The following BRDT variants were observed in gnomAD, a reference collection of about 807,000 sequenced individuals.
The protein encoded by BRDT is bromodomain testis associated.
A neutral mutation model predicts 113.9 loss-of-function variants in BRDT; 77 were observed. The observed-to-expected ratio is 0.68, with a 90% CI of 0.56 to 0.82. The LOEUF (loss-of-function observed/expected upper bound fraction) is 0.82. Among genes scored for constraint, BRDT ranks in the 40% least tolerant of loss-of-function variants. The pLI, the probability that BRDT is intolerant of heterozygous loss-of-function variation, is 0.00. For synonymous variants in BRDT, 358 were observed against 366.5 expected (o/e 0.98, Z 0.26); for missense variants, 1,027 against 1,105.4 (o/e 0.93, Z 1.01).
chr1:92,012,407 T>A (rs2183036), intron 18 of BRDT, among the ~76,000 whole-genome samples: 75,091 of 151,962 alleles, frequency 0.49, 18,953 homozygotes, highest in South Asian at 0.56. Flanking sequence ...TGTAAGAGAA[T>A]CTAAAATAAG....
At position 91,955,369 on chromosome 1, in the gene BRDT, G is replaced by A. The variant is rs60765274; in HGVS notation, c.-38+5687G>A. The stretch of plus-strand genomic sequence containing the variant: ...CTAGGGAGGCTGAGGCAGAAGAATC[G>A]CTTGAACCCGGGAGGCAGAGGTTGC... On this transcript the variant is annotated intron_variant, in intron 1 of 18. Coordinates refer to ENST00000399546, the MANE Select transcript of BRDT (RefSeq NM_207189.4). Among the ~76,000 whole-genome samples the A allele has an allele frequency of 1.9e-4, 29 of 151,902 alleles. 1 individual carries two copies. The highest frequency in any genetic ancestry group is 4.4e-5 in the Non-Finnish European group (3 of 67,984).
intron 2 of BRDT, among the ~76,000 whole-genome samples, chr1:91,964,252 G>T (rs1431360255): frequency 1.3e-5 from 2 of 152,174 alleles, no homozygotes; most frequent in African/African-American, 4.8e-5. Context: ...GTGGAGATGG[G>T]GCTTCCCCGT....
intron 18 of BRDT, among the ~76,000 whole-genome samples, chr1:92,006,175 G>A (rs1687276753): frequency 6.6e-6 from 1 of 151,988 alleles, no homozygotes; most frequent in African/African-American, 2.4e-5. Context: ...AATATTCTGT[G>A]TGCACATGAA....
rs1458529085 is a variant in BRDT, at chr1:91,980,748, A to G, written c.1393A>G (p.Asn465Asp). The G allele has an allele frequency of 1.9e-6, 3 of 1,607,260 alleles. No homozygotes were observed. In the South Asian group the frequency reaches 3.4e-5, roughly 18 times the overall value. ...AAAGGAAAAGAAAAAAGAAAAGGTT[A>G]ATAACAGCAATGAAAATCCAAGAAA... ...SKKEKKKEKV[N>D]NSNENPRKMC... is the part of the protein sequence containing the mutation. The change falls in exon 9 of 19, where the codon AAT (asparagine) becomes GAT (aspartate). Residue 465 changes from asparagine (N) to aspartate (D), a missense_variant. Coordinates refer to ENST00000399546, the MANE Select transcript of BRDT (RefSeq NM_207189.4).
intron 14 of BRDT, 98 bp downstream of exon 14, chr1:91,992,412 CAAAA>C (rs55996004): frequency 0.013 from 2,252 of 179,056 alleles, no homozygotes; most frequent in Middle Eastern, 0.02. Context: ...TGAAGAGAGG[CAAAA>C]AAAAAAAAAA....
chr1:91,974,067 A>G (rs538511022), intron 4 of BRDT, among the ~76,000 whole-genome samples: 2 of 152,338 alleles, frequency 1.3e-5, no homozygotes, highest in East Asian at 3.9e-4. Context: ...TGGTGCTGGG[A>G]AAACTGGCTA....
intron 16 of BRDT, 126 bp from the exon 17 acceptor site, chr1:92,004,288 G>T: frequency 1.7e-6 from 1 of 591,764 alleles, no homozygotes; most frequent in East Asian, 2.9e-5. Flanking sequence ...TTTTACTTTA[G>T]TAAAAGTACA....
At chr1:91,998,702 A>C (rs974843752) in intron 15 of BRDT, among the ~76,000 whole-genome samples, 10 of 152,234 alleles carry the variant, frequency 6.6e-5, no homozygotes, top group Non-Finnish European at 8.8e-5. Context: ...AGAAGGCAGA[A>C]TCACCTGATG....
intron 4 of BRDT, among the ~76,000 whole-genome samples, chr1:91,973,934 A>G (rs1354711908): frequency 6.6e-6 from 1 of 152,216 alleles, no homozygotes; most frequent in African/African-American, 2.4e-5. Context: ...GTACCAAAAC[A>G]GAGATACAGA....
intron 14 of BRDT, 101 bp from the exon 15 acceptor site, chr1:91,993,982 G>A: frequency 1.1e-6 from 1 of 946,632 alleles, no homozygotes; most frequent in Admixed American, 3.0e-5. Context: ...ATTTTAAAAA[G>A]GTAGCATTAA....
chr1:91,983,287 CGG>C (rs1684884679), intron 12 of BRDT, among the ~76,000 whole-genome samples: 3 of 121,144 alleles, frequency 2.5e-5, no homozygotes, highest in Admixed American at 1.9e-4. Context: ...TTTTTTGAGA[CGG>C]AGTCTCCCTC....
chr1:92,014,308 T>C lies in BRDT; in HGVS notation c.*34T>C. On this transcript the variant is annotated 3_prime_UTR_variant, in exon 19 of 19. Transcript: ENST00000399546. ...TTTTAAATTAACCATCAACTTAAAATGAATGGTAAAAGATCAAAATGCATA... is the reference window on the plus strand; with the variant it reads ...TTTTAAATTAACCATCAACTTAAAACGAATGGTAAAAGATCAAAATGCATA... 1 of 1,423,260 alleles carries C rather than the reference T, an allele frequency of 7.0e-7. No homozygotes were observed. 88.2% of individuals were successfully genotyped at this position (1,423,260 alleles called of 1,614,324 possible).
chr1:91,981,485 T>C (rs746038397), intron 11 of BRDT, 104 bp downstream of exon 11: 2 of 1,514,668 alleles, frequency 1.3e-6, no homozygotes, highest in African/African-American at 1.4e-5. Context: ...CCTCATGTGA[T>C]CCTCCACCTT....
chr1:91,959,788 C>CT (rs1184550404), intron 1 of BRDT, among the ~76,000 whole-genome samples: 2 of 152,068 alleles, frequency 1.3e-5, no homozygotes, highest in African/African-American at 4.8e-5. Flanking sequence ...CAGCCTATGA[C>CT]TTTTATTAAG....
At chr1:91,961,511 C>T (rs1437861988) in intron 1 of BRDT, among the ~76,000 whole-genome samples, 1 of 151,872 alleles carries the variant, frequency 6.6e-6, no homozygotes, top group Admixed American at 6.6e-5. Context: ...CATCTGTAGT[C>T]GCAGCTACTT....
intron 10 of BRDT, 33 bp downstream of exon 10, chr1:91,981,211 T>G: frequency 6.2e-7 from 1 of 1,607,750 alleles, no homozygotes. Flanking sequence ...AGAAATCGGT[T>G]TGGTATTTAT....
rs1243701397 is a variant in BRDT at position 91,962,802 on chromosome 1, A to G, written c.48A>G (p.Pro16=). The G allele has an allele frequency of 1.4e-5, 22 of 1,608,506 alleles. No homozygotes were observed. Among genetic ancestry groups the G allele is most frequent in the Middle Eastern group, 1.7e-4 (1 of 6,052 alleles). The change falls in exon 2 of 19, where the codon CCA becomes CCG. Residue 16 remains proline, a synonymous_variant. Coordinates refer to ENST00000399546, the MANE Select transcript of BRDT (RefSeq NM_207189.4). Reference sequence around the variant, plus strand: ...CAGCTATTATTGTTAACCCTCCTCCACCAGAATATATAAATACTAAGAAAA... The same window carrying G: ...CAGCTATTATTGTTAACCCTCCTCCGCCAGAATATATAAATACTAAGAAAA... The part of the protein sequence containing the change: ...RQTAIIVNPP[P]PEYINTKKNG...
At chr1:91,978,460 A>G (rs1249587088) in intron 7 of BRDT, among the ~76,000 whole-genome samples, 164 bp downstream of exon 7, 2 of 152,218 alleles carry the variant, frequency 1.3e-5, no homozygotes, top group Admixed American at 1.3e-4. Flanking sequence ...TTTATGAATT[A>G]TACTTTTAAA....
At chr1:91,989,475 C>T (rs75582560) in intron 12 of BRDT, among the ~76,000 whole-genome samples, 10,180 of 152,146 alleles carry the variant, frequency 0.067, 400 homozygotes, top group African/African-American at 0.097. Context: ...ATTCTCCCGC[C>T]TCAGCCTCCC....
Sources: gnomAD v4.1 joint callset for allele counts (sites outside exome capture counted in the v4.1 genomes callset) on GRCh38, gnomAD v4.1.1 for gene constraint, MANE v1.5 for transcripts, NCBI Gene and HGNC (gene_info 2026-07-23, HGNC 2026-07-21) for gene names.